The following PCDHA2 variants were observed in gnomAD, a reference collection of about 807,000 sequenced individuals.
PCDHA2 encodes protocadherin alpha 2.
A neutral mutation model predicts 66.0 loss-of-function variants in PCDHA2; 58 were observed. The observed-to-expected ratio is 0.88, with a 90% CI of 0.71 to 1.09. The LOEUF (loss-of-function observed/expected upper bound fraction) is 1.09, where lower values mean the gene tolerates loss of function less well. Among genes scored for constraint, PCDHA2 ranks in the 50% least tolerant of loss-of-function variants. The probability of loss-of-function intolerance (pLI) is 0.00; values close to 1 mark genes in which losing one functional copy is unlikely to be tolerated. For missense variants in PCDHA2, 1,267 were observed against 1,242.3 expected (o/e 1.02, Z -0.30); for synonymous variants, 634 against 554.0 (o/e 1.14, Z -2.03).
chr5:140,882,213 T>C, intron 1 of PCDHA2: 2 of 1,538,576 alleles, frequency 1.3e-6, no homozygotes, highest in Non-Finnish European at 1.8e-6. Flanking sequence ...TGAGAGACAG[T>C]TTGAGGTAAG....
intron 1 of PCDHA2, chr5:140,857,490 C>T (rs1554150112): frequency 1.3e-6 from 2 of 1,598,382 alleles, no homozygotes; most frequent in East Asian, 4.5e-5. Context: ...GCGTGGGACG[C>T]GGACGCGCAG....
chr5:140,929,428 G>A, intron 1 of PCDHA2: 1 of 1,491,484 alleles, frequency 6.7e-7, no homozygotes. Flanking sequence ...TTCATCAATT[G>A]AACTAAACAC....
At chr5:140,980,152 C>T (rs1554241475) in intron 2 of PCDHA2, among the ~76,000 whole-genome samples, 1 of 152,040 alleles carries the variant, frequency 6.6e-6, no homozygotes, top group Admixed American at 6.6e-5. Flanking sequence ...CATGCATATA[C>T]CAGAATATTA....
chr5:140,813,444 G>A (rs1765295965), intron 1 of PCDHA2: 1 of 152,196 alleles, frequency 6.6e-6, no homozygotes, highest in South Asian at 2.1e-4. Context: ...ATAGGGAATT[G>A]TAACACAATG....
At chr5:140,834,256 T>A in intron 1 of PCDHA2, 1 of 945,884 alleles carries the variant, frequency 1.1e-6, no homozygotes, top group South Asian at 1.7e-5. Flanking sequence ...GGAAAGACGC[T>A]CCACTCTCTT....
chr5:141,005,308 TA>T (rs1345689314), intron 3 of PCDHA2, among the ~76,000 whole-genome samples: 4 of 152,214 alleles, frequency 2.6e-5, no homozygotes, highest in Non-Finnish European at 4.4e-5. Context: ...TTGTGAATCT[TA>T]CAGTGGTAGA....
At chr5:140,938,878 C>T (rs1324581693) in intron 1 of PCDHA2, among the ~76,000 whole-genome samples, 3 of 151,098 alleles carry the variant, frequency 2.0e-5, no homozygotes, top group Admixed American at 1.3e-4. Context: ...TAAGAAGCAA[C>T]ACACACACAC....
chr5:140,906,303 A>G (rs1195275228), intron 1 of PCDHA2, among the ~76,000 whole-genome samples: 5 of 152,220 alleles, frequency 3.3e-5, no homozygotes, highest in Non-Finnish European at 7.3e-5. Flanking sequence ...ATAAGGTCAT[A>G]ATTATTCCCA....
chr5:140,941,214 C>CTTCCTTTCTTTCTTTCTTT (rs1554214039), intron 1 of PCDHA2, among the ~76,000 whole-genome samples: 1 of 122,414 alleles, frequency 8.2e-6, no homozygotes, highest in Non-Finnish European at 1.7e-5. Context: ...TTTCTTTCTT[C>CTTCCTTTCTTTCTTTCTTT]CTTTCTTTCT....
chr5:140,829,182 A>G (rs2150163580), intron 1 of PCDHA2: 1 of 1,614,190 alleles, frequency 6.2e-7, no homozygotes, highest in Non-Finnish European at 8.5e-7. Context: ...GAAGACGCTC[A>G]ATTTGGTACT....
At chr5:140,800,743 G>A (rs114630693) in intron 1 of PCDHA2, among the ~76,000 whole-genome samples, 1 of 152,214 alleles carries the variant, frequency 6.6e-6, no homozygotes, top group East Asian at 1.9e-4. Context: ...AAATAGAAAA[G>A]TGGCTGTCAC....
chr5:140,920,002 A>G (rs1260973070), intron 1 of PCDHA2, among the ~76,000 whole-genome samples: 1 of 152,230 alleles, frequency 6.6e-6, no homozygotes, highest in Non-Finnish European at 1.5e-5. Flanking sequence ...CACAGAGGAA[A>G]AGGCCATGCG....
intron 1 of PCDHA2, chr5:140,929,118 A>G: frequency 2.5e-6 from 4 of 1,614,150 alleles, no homozygotes; most frequent in Non-Finnish European, 3.4e-6. Flanking sequence ...CAGCCACCAT[A>G]GATGTCACTA....
intron 1 of PCDHA2, among the ~76,000 whole-genome samples, chr5:140,798,962 T>C (rs1762381225): frequency 6.6e-6 from 1 of 152,232 alleles, no homozygotes; most frequent in Non-Finnish European, 1.5e-5. Context: ...TTTAGCCATT[T>C]CATAGTTAGG....
At chr5:140,875,253 A>C in intron 1 of PCDHA2, 1 of 1,053,108 alleles carries the variant, frequency 9.5e-7, no homozygotes, top group Non-Finnish European at 1.3e-6. Flanking sequence ...AATCAGTCAC[A>C]TGATGTCGCT....
chr5:140,861,631 C>T, intron 1 of PCDHA2: 1 of 315,060 alleles, frequency 3.2e-6, no homozygotes, highest in Non-Finnish European at 6.4e-6. Flanking sequence ...GTGTTCTCAG[C>T]AACACAAAAG....
intron 1 of PCDHA2, chr5:140,808,201 G>A (rs1351176150): frequency 6.2e-7 from 1 of 1,614,106 alleles, no homozygotes; most frequent in Non-Finnish European, 8.5e-7. Flanking sequence ...GAGTTATTGT[G>A]GAAGTAGAAG....
At chr5:140,853,269 C>G (rs1458321470) in intron 1 of PCDHA2, 2 of 975,966 alleles carry the variant, frequency 2.0e-6, no homozygotes, top group African/African-American at 1.8e-5. Flanking sequence ...AGAGTACAAG[C>G]TCTCATCATA....
chr5:140,927,676 G>A (rs2084491623), intron 1 of PCDHA2: 1 of 1,614,192 alleles, frequency 6.2e-7, no homozygotes, highest in South Asian at 1.1e-5. Flanking sequence ...GGATCCAGAT[G>A]AAGGGTCCAA....
Sources: gnomAD v4.1 joint callset for allele counts (sites outside exome capture counted in the v4.1 genomes callset) on GRCh38, gnomAD v4.1.1 for gene constraint, MANE v1.5 for transcripts, NCBI Gene and HGNC (gene_info 2026-07-23, HGNC 2026-07-21) for gene names.